SPAM1: variants seen among roughly 807,000 people sequenced by gnomAD.
SPAM1 encodes the protein hyaluronidase PH-20.
SPAM1 carries 22 observed loss-of-function variants against 29.6 expected under a neutral mutation model. The observed-to-expected ratio is 0.74, with a 90% CI of 0.53 to 1.06. The LOEUF is 1.06. Ranked by LOEUF, SPAM1 falls within the 50% of genes least tolerant of loss-of-function variation. The pLI, the probability that SPAM1 is intolerant of heterozygous loss-of-function variation, is 0.00. For missense variants in SPAM1, 534 were observed against 604.0 expected (o/e 0.88, Z 1.21); for synonymous variants, 194 against 204.6 (o/e 0.95, Z 0.44).
At chr7:123,937,517 A>C (rs538005245) in intron 1 of SPAM1, among the ~76,000 whole-genome samples, 104 of 142,730 alleles carry the variant, frequency 7.3e-4, no homozygotes, top group South Asian at 9.6e-4. Context: ...AGGAGAATGG[A>C]TTGAACCCGG....
At chr7:123,944,794 C>T (rs1233186169) in intron 1 of SPAM1, among the ~76,000 whole-genome samples, 1 of 152,102 alleles carries the variant, frequency 6.6e-6, no homozygotes, top group African/African-American at 2.4e-5. Context: ...GCTATAATTT[C>T]AGTCCTTTTA....
chr7:123,970,207 G>T lies in SPAM1; in HGVS notation c.1495G>T (p.Glu499Ter). The stretch of plus-strand genomic sequence containing the variant: ...TATGGTTTTCTTACAGTGGAGGCTG[G>T]AAGTCTGGGATCAAGGTATTAGCAG... The change falls in exon 6 of 7, where the codon GAA becomes TAA. Residue 499 changes from glutamate (E) to a stop codon, truncating the protein, a stop_gained. Coordinates refer to the SPAM1 transcript ENST00000340011. LOFTEE classifies it high-confidence loss of function. 1.3e-6 allele frequency: 2 copies of T among 1,549,096 alleles called. No homozygotes were observed. The highest frequency in any genetic ancestry group is 1.7e-6 in the Non-Finnish European group (2 of 1,145,214).
chr7:123,952,457 T>G (rs1459562669), intron 2 of SPAM1, among the ~76,000 whole-genome samples: 1 of 152,094 alleles, frequency 6.6e-6, no homozygotes, highest in Non-Finnish European at 1.5e-5. Flanking sequence ...CACAGAACAT[T>G]TAACTATATC....
At chr7:123,962,186 T>C (rs1373365672), downstream of SPAM1, among the ~76,000 whole-genome samples, 9 of 152,004 alleles carry the variant, frequency 5.9e-5, no homozygotes, top group Non-Finnish European at 1.2e-4. Flanking sequence ...GTGCTTGCTG[T>C]TTTTTGTCTT....
chr7:123,944,343 A>G (rs1350590917), intron 1 of SPAM1, among the ~76,000 whole-genome samples: 1 of 152,168 alleles, frequency 6.6e-6, no homozygotes, highest in African/African-American at 2.4e-5. Flanking sequence ...GTACTCAATG[A>G]CACAAGGACT....
intron 5 of SPAM1, among the ~76,000 whole-genome samples, chr7:123,968,101 G>A (rs932210327): frequency 6.6e-6 from 1 of 152,036 alleles, no homozygotes; most frequent in Non-Finnish European, 1.5e-5. Context: ...GCTCAGGAAA[G>A]AATTCAAGAG....
At chr7:123,934,360 T>C (rs1808187132) in intron 1 of SPAM1, among the ~76,000 whole-genome samples, 6 of 152,244 alleles carry the variant, frequency 3.9e-5, no homozygotes, top group Admixed American at 3.3e-4. Flanking sequence ...GGTGAGGATA[T>C]GGAGAAAAGA....
At chr7:123,947,521 G>C (rs1808616091) in intron 1 of SPAM1, among the ~76,000 whole-genome samples, 1 of 151,724 alleles carries the variant, frequency 6.6e-6, no homozygotes, top group African/African-American at 2.4e-5. Flanking sequence ...CTGCACTCCA[G>C]CCTAGGCAAC....
chr7:123,941,983 A>G (rs1808443161), intron 1 of SPAM1, among the ~76,000 whole-genome samples: 1 of 152,202 alleles, frequency 6.6e-6, no homozygotes, highest in South Asian at 2.1e-4. Flanking sequence ...AAAAACAACA[A>G]CAAACGAAGA....
chr7:123,925,411 A>C (rs1042642438), intron 1 of SPAM1, 59 bp downstream of exon 1: 1 of 152,154 alleles, frequency 6.6e-6, no homozygotes, highest in African/African-American at 2.4e-5. Flanking sequence ...TGGTTGAAAG[A>C]GTTGGCTTGA....
At chr7:123,929,004 G>C (rs1430017275) in intron 1 of SPAM1, among the ~76,000 whole-genome samples, 1 of 152,014 alleles carries the variant, frequency 6.6e-6, no homozygotes, top group Admixed American at 6.6e-5. Flanking sequence ...CAAAGAATTG[G>C]GTAGAAGCTT....
intron 3 of SPAM1, 146 bp from the exon 4 acceptor site, chr7:123,954,851 G>A (rs1792213365): frequency 3.2e-6 from 2 of 617,488 alleles, no homozygotes; most frequent in East Asian, 2.8e-5. Context: ...TTATAGTAAG[G>A]CAATGGCTGT....
chr7:123,954,087 C>T lies in SPAM1; in HGVS notation c.517C>T (p.Gln173Ter). The change falls in exon 3 of 5, where the codon CAG (glutamine) becomes TAG (stop). Residue 173 changes from glutamine to a stop codon, truncating the protein, a stop_gained. Coordinates refer to ENST00000682466, the MANE Select transcript of SPAM1 (RefSeq NM_153189.3). LOFTEE classifies it high-confidence loss of function. ...VYKNRSIELV[Q>*]QQNVQLSLTE... ...CAAGAATAGGTCTATTGAATTGGTT[C>T]AGCAACAAAATGTACAACTTAGTCT... 6.2e-7 allele frequency: 1 copy of T among 1,613,074 alleles called. No homozygotes were observed. Among genetic ancestry groups the T allele is most frequent in the Non-Finnish European group, 8.5e-7 (1 of 1,179,636 alleles).
At chr7:123,967,130 G>A (rs1563034938) in intron 5 of SPAM1, among the ~76,000 whole-genome samples, 1 of 151,922 alleles carries the variant, frequency 6.6e-6, no homozygotes, top group Non-Finnish European at 1.5e-5. Flanking sequence ...GCAGCAGGGG[G>A]CAGTAAGATA....
At chr7:123,939,015 T>C (rs1352967249) in intron 1 of SPAM1, among the ~76,000 whole-genome samples, 6 of 152,118 alleles carry the variant, frequency 3.9e-5, no homozygotes, top group African/African-American at 1.2e-4. Flanking sequence ...AAAGAGACAT[T>C]TGAAGAGAGC....
At chr7:123,967,381 A>T (rs2117080265) in intron 5 of SPAM1, among the ~76,000 whole-genome samples, 1 of 152,202 alleles carries the variant, frequency 6.6e-6, no homozygotes, top group East Asian at 1.9e-4. Context: ...AGATAATTTT[A>T]AAAATGTACT....
intron 1 of SPAM1, among the ~76,000 whole-genome samples, chr7:123,942,332 A>G (rs1808456974): frequency 6.6e-6 from 1 of 152,222 alleles, no homozygotes; most frequent in African/African-American, 2.4e-5. Flanking sequence ...GAATCTAACA[A>G]CAGGTGTACT....
At chr7:123,959,204 CT>C (rs1448032921) in intron 4 of SPAM1, among the ~76,000 whole-genome samples, 1 of 151,978 alleles carries the variant, frequency 6.6e-6, no homozygotes, top group Non-Finnish European at 1.5e-5. Flanking sequence ...ATTCTATCCC[CT>C]GATTATGTTA....
Position 123,927,798 on chromosome 7 carries a change from A to C in SPAM1, c.-319+2446A>C, listed in dbSNP as rs115637798. ...CGAAATTGGTTTTACAGACTTAGAA[A>C]AATATTGAAGGGAACGCATAATATC... On this transcript the variant is annotated intron_variant, in intron 1 of 4. Transcript: ENST00000682466. Among the ~76,000 whole-genome samples the C allele has an allele frequency of 8.8e-3, 1,336 of 152,286 alleles. 27 individuals are homozygous for C. Among genetic ancestry groups the C allele is most frequent in the African/African-American group, 0.03 (1,262 of 41,562 alleles).
Sources: allele counts gnomAD v4.1 joint callset (sites outside exome capture counted in the v4.1 genomes callset), GRCh38; gene constraint gnomAD v4.1.1; transcripts MANE v1.5; gene names NCBI Gene and HGNC (gene_info 2026-07-23, HGNC 2026-07-21).